Variants in SMC1B observed in about 807,000 individuals in gnomAD.
SMC1B encodes the protein structural maintenance of chromosomes protein 1B.
Under a neutral mutation model 157.9 loss-of-function variants are expected in SMC1B, and 60 were observed. The observed-to-expected ratio is 0.38, with a 90% CI of 0.31 to 0.47. The LOEUF is 0.47. Ranked by LOEUF, SMC1B falls within the 20% of genes least tolerant of loss-of-function variation. The pLI is 0.99. For synonymous variants in SMC1B, 445 were observed against 483.0 expected, an observed-to-expected ratio of 0.92 and a Z score of 1.03; for missense variants, 1,165 against 1,426.2, an observed-to-expected ratio of 0.82 and a Z score of 2.95.
At chr22:45,393,978 A>C (rs2087092269) in intron 8 of SMC1B, 137 bp from the exon 9 acceptor site, 1 of 625,068 alleles carries the variant, frequency 1.6e-6, no homozygotes, top group African/African-American at 1.8e-5. Context: ...AAAATGCAAT[A>C]AACCTGACAC....
chr22:45,380,616 C>A (rs1204956445), intron 12 of SMC1B, among the ~76,000 whole-genome samples: 1 of 152,052 alleles, frequency 6.6e-6, no homozygotes, highest in Non-Finnish European at 1.5e-5. Flanking sequence ...CTACATTTTA[C>A]AGTTAAGAAA....
At chr22:45,378,347 A>G (rs1602070794) in intron 12 of SMC1B, among the ~76,000 whole-genome samples, 1 of 152,162 alleles carries the variant, frequency 6.6e-6, no homozygotes, top group Admixed American at 6.6e-5. Flanking sequence ...GACCTATAAA[A>G]AGCTCTACTT....
rs756465029 is a variant in SMC1B at position 45,406,554 on chromosome 22, T to G, written c.521A>C (p.Lys174Thr). 78 of 1,613,192 alleles carry G rather than the reference T, an allele frequency of 4.8e-5. No individual in the cohort carries two copies. Among genetic ancestry groups the G allele is most frequent in the Non-Finnish European group, 6.2e-5 (73 of 1,179,892 alleles). The change falls in exon 4 of 25, where the codon AAG (lysine) becomes ACG (threonine). Residue 174 changes from lysine to threonine, a missense_variant. Coordinates refer to ENST00000357450, the MANE Select transcript of SMC1B (RefSeq NM_148674.5). ...LIGEYEEKKR[K>T]LQKAEEDAQF... Reference sequence around the variant, plus strand: ...TGCATCCTCTTCGGCTTTTTGTAACTTTCTTTTCTTTTCTTCATATTCTCC... The same window carrying G: ...TGCATCCTCTTCGGCTTTTTGTAACGTTCTTTTCTTTTCTTCATATTCTCC...
intron 11 of SMC1B, among the ~76,000 whole-genome samples, chr22:45,384,719 C>CA (rs541797611): frequency 1.1e-3 from 134 of 119,492 alleles, no homozygotes; most frequent in East Asian, 2.6e-3. Context: ...GACTCCATTT[C>CA]AAAAAAAAAA....
chr22:45,384,195 T>A (rs1215937571), intron 11 of SMC1B, among the ~76,000 whole-genome samples: 1 of 152,132 alleles, frequency 6.6e-6, no homozygotes, highest in East Asian at 1.9e-4. Context: ...TGAAAACAAG[T>A]TTGTTCATAT....
chr22:45,345,753 C>A (rs2086544898), intron 23 of SMC1B, among the ~76,000 whole-genome samples, 184 bp from the exon 24 acceptor site: 3 of 152,126 alleles, frequency 2.0e-5, no homozygotes, highest in Admixed American at 6.6e-5. Context: ...ATGAGATAAA[C>A]TTCATTAAAC....
Position 45,399,315 on chromosome 22 carries a change from T to C in SMC1B, c.893A>G (p.Tyr298Cys). Residue 298 changes from tyrosine (Y) to cysteine (C), a missense_variant, in exon 6 of 25, where the codon TAC becomes TGC. By Grantham distance (194) the Tyr-to-Cys change is radical. Coordinates refer to ENST00000357450, the MANE Select transcript of SMC1B (RefSeq NM_148674.5). Reference sequence around the variant, plus strand: ...AGAAGTGTTTTCTTTGGCTTTAATGTACTGAGGCCTCTTCTGATTTAAAAG... The same window carrying C: ...AGAAGTGTTTTCTTTGGCTTTAATGCACTGAGGCCTCTTCTGATTTAAAAG... ...ETLLNQKRPQ[Y>C]IKAKENTSHH... is the part of the protein sequence containing the mutation. 1.9e-6 allele frequency: 3 copies of C among 1,613,542 alleles called. No homozygotes were observed. Among genetic ancestry groups the C allele is most frequent in the African/African-American group, 1.3e-5 (1 of 74,992 alleles).
intron 9 of SMC1B, among the ~76,000 whole-genome samples, chr22:45,390,559 A>C (rs2087045836): frequency 6.6e-6 from 1 of 151,828 alleles, no homozygotes; most frequent in Non-Finnish European, 1.5e-5. Flanking sequence ...TACAAAAATT[A>C]CTGGGCGTGG....
At chr22:45,354,244 TA>T (rs1341323682) in intron 20 of SMC1B, 112 bp from the exon 21 acceptor site, 1 of 779,884 alleles carries the variant, frequency 1.3e-6, no homozygotes, top group Admixed American at 3.1e-5. Flanking sequence ...ATCTCTTGAG[TA>T]AAGGTACCTT....
chr22:45,395,098 A>G (rs1157979804), intron 7 of SMC1B, among the ~76,000 whole-genome samples: 1 of 152,228 alleles, frequency 6.6e-6, no homozygotes, highest in East Asian at 1.9e-4. Flanking sequence ...TACTTTTGCA[A>G]CAATCTAAAT....
intron 8 of SMC1B, 59 bp from the exon 9 acceptor site, chr22:45,393,900 G>C (rs540657574): frequency 5.8e-6 from 7 of 1,212,834 alleles, no homozygotes; most frequent in Non-Finnish European, 1.2e-6. Context: ...GGAATTACCA[G>C]GTACAACATA....
At chr22:45,389,970 G>A in intron 9 of SMC1B, 73 bp from the exon 10 acceptor site, 15 of 1,276,702 alleles carry the variant, frequency 1.2e-5, no homozygotes, top group Non-Finnish European at 1.6e-5. Context: ...ATTTTCTAAT[G>A]TAACAAAGTA....
At chr22:45,413,421 C>T in intron 1 of SMC1B, 38 bp downstream of exon 1, 1 of 1,512,348 alleles carries the variant, frequency 6.6e-7, no homozygotes, top group Non-Finnish European at 9.0e-7. Flanking sequence ...CCTGGGACGG[C>T]GGAGGCGCTC....
intron 17 of SMC1B, 105 bp downstream of exon 17, chr22:45,361,734 C>T (rs2086723486): frequency 8.9e-7 from 1 of 1,118,510 alleles, no homozygotes; most frequent in Non-Finnish European, 1.3e-6. Flanking sequence ...CCAAGAGCAA[C>T]AAAGGGCACA....
At chr22:45,395,480 C>T (rs893873378) in intron 7 of SMC1B, among the ~76,000 whole-genome samples, 3 of 152,178 alleles carry the variant, frequency 2.0e-5, no homozygotes, top group Admixed American at 2.0e-4. Context: ...CAATTAGAAT[C>T]CTGCCTTTAA....
intron 5 of SMC1B, among the ~76,000 whole-genome samples, chr22:45,401,474 G>A (rs1294364388): frequency 1.3e-5 from 2 of 152,216 alleles, no homozygotes; most frequent in Non-Finnish European, 2.9e-5. Context: ...TTGTCACCAC[G>A]TGTACAGTAG....
At chr22:45,355,546 T>C (rs1569175468) in intron 19 of SMC1B, among the ~76,000 whole-genome samples, 1 of 152,148 alleles carries the variant, frequency 6.6e-6, no homozygotes, top group Non-Finnish European at 1.5e-5. Flanking sequence ...CTTGAGCTCC[T>C]GACCTTAAGC....
Position 45,397,602 on chromosome 22 carries a change from C to G in SMC1B, c.1114-1116G>C, listed in dbSNP as rs77182279. On this transcript the variant is annotated intron_variant, in intron 6 of 24. Transcript: ENST00000357450. The stretch of plus-strand genomic sequence containing the variant: ...CTCTCTTGCTGTTTGGTGTGCTTAC[C>G]TCTGATTGATCCCTACCCTTCACCT... Among the ~76,000 whole-genome samples, 36 of 152,296 alleles carry G rather than the reference C, an allele frequency of 2.4e-4. No homozygotes were observed. In the East Asian group the frequency reaches 5.6e-3, roughly 24 times the overall value.
chr22:45,376,160 G>A (rs2086881714), intron 12 of SMC1B, among the ~76,000 whole-genome samples: 1 of 152,092 alleles, frequency 6.6e-6, no homozygotes, highest in Non-Finnish European at 1.5e-5. Flanking sequence ...TTGTGTGCAA[G>A]CAATCTCCAG....
Sources: gnomAD v4.1 joint callset for allele counts (sites outside exome capture counted in the v4.1 genomes callset) on GRCh38, gnomAD v4.1.1 for gene constraint, MANE v1.5 for transcripts, NCBI Gene and HGNC (gene_info 2026-07-23, HGNC 2026-07-21) for gene names.